WDFY3: variants seen among roughly 807,000 people sequenced by gnomAD.
WDFY3 encodes WD repeat and FYVE domain containing 3.
Under a neutral mutation model 409.6 loss-of-function variants are expected in WDFY3, and 66 were observed. The ratio of observed to expected loss-of-function variants is 0.16; its 90% CI spans 0.13 to 0.20. The LOEUF (loss-of-function observed/expected upper bound fraction) is 0.20. Among genes scored for constraint, WDFY3 ranks in the 10% least tolerant of loss-of-function variants. The probability of loss-of-function intolerance (pLI) is 1.00; values close to 1 mark genes in which losing one functional copy is unlikely to be tolerated. For synonymous variants in WDFY3, 1,521 were observed against 1,537.1 expected, an observed-to-expected ratio of 0.99 and a Z score of 0.25; for missense variants, 3,031 against 4,298.1, an observed-to-expected ratio of 0.71 and a Z score of 8.24.
At chr4:84,845,095 A>C (rs907436567) in intron 5 of WDFY3, among the ~76,000 whole-genome samples, 1 of 152,148 alleles carries the variant, frequency 6.6e-6, no homozygotes, top group Admixed American at 6.5e-5. Flanking sequence ...TCTACAGCCC[A>C]TATCTCAAGT....
chr4:84,789,919 G>T lies in WDFY3; in HGVS notation c.3488-12C>A, dbSNP rs373198268. ...ACTAAAATCATCAACTGAAATAAAG[G>T]GGGGAAGACATAAAAACTTTTTCCA... On this transcript the variant is annotated splice_polypyrimidine_tract_variant and intron_variant, in intron 21 of 67. Transcript: ENST00000295888. The T allele has an allele frequency of 3.1e-6, 5 of 1,612,942 alleles. No homozygotes were observed. The African/African-American group carries it at 5.3e-5, about 17-fold the overall frequency.
At chr4:84,841,129 T>A in intron 6 of WDFY3, 25 bp downstream of exon 6, 1 of 1,560,374 alleles carries the variant, frequency 6.4e-7, no homozygotes, top group Non-Finnish European at 8.7e-7. Flanking sequence ...CGCTGAGTTA[T>A]CAAACATGAA....
intron 15 of WDFY3, among the ~76,000 whole-genome samples, chr4:84,806,608 G>A (rs933246494): frequency 2.0e-5 from 3 of 151,896 alleles, no homozygotes; most frequent in East Asian, 1.9e-4. Context: ...TAAATAGAAA[G>A]TTCTGATGTA....
At chr4:84,692,845 A>C (rs1462095612) in intron 59 of WDFY3, 40 bp downstream of exon 59, 12 of 1,558,338 alleles carry the variant, frequency 7.7e-6, no homozygotes, top group Admixed American at 2.1e-5. Context: ...TAACAATCCC[A>C]TTAAATCATT....
At position 84,753,688 on chromosome 4, in the gene WDFY3, C is replaced by T. The variant is rs200277889; in HGVS notation, c.5739+9G>A. On this transcript the variant is annotated intron_variant, in intron 35 of 67. Transcript: ENST00000295888. ...TTCCAGTTCTGACATTTTCCTCCCCCTTTCCTACCATCTCTGAGTAAGGGC... is the reference window on the plus strand; with the variant it reads ...TTCCAGTTCTGACATTTTCCTCCCCTTTTCCTACCATCTCTGAGTAAGGGC... The T allele has an allele frequency of 6.4e-7, 1 of 1,552,210 alleles. No homozygotes were observed. The highest frequency in any genetic ancestry group is 8.7e-7 in the Non-Finnish European group (1 of 1,151,614).
rs886324029 is a variant in WDFY3 at position 84,829,125 on chromosome 4, T to C, written c.835A>G (p.Ile279Val). ...GAAAGCCCAGCAAACATTTCGACAATTTCTAGGGGAGACAGGTCATCTGAT... is the reference window on the plus strand; with the variant it reads ...GAAAGCCCAGCAAACATTTCGACAACTTCTAGGGGAGACAGGTCATCTGAT... ...QQSDDLSPLE[I>V]VEMFAGLSCF... Residue 279 changes from isoleucine (I) to valine (V), a missense_variant, in exon 9 of 68, where the codon ATT becomes GTT. Physicochemically the swap from Ile to Val is conservative, Grantham distance 29 (BLOSUM62 3). This residue lies in a region of WDFY3 where 1,322 missense variants were observed against 1,697.9 expected (regional missense o/e 0.78). Coordinates refer to ENST00000295888, the MANE Select transcript of WDFY3 (RefSeq NM_014991.6). The C allele has an allele frequency of 3.7e-6, 6 of 1,613,524 alleles. No homozygotes were observed. Among genetic ancestry groups the C allele is most frequent in the African/African-American group, 1.3e-5 (1 of 74,912 alleles).
rs185486424 is a variant in WDFY3, at chr4:84,960,388, T to G, written c.-226+5821A>C. On this transcript the variant is annotated intron_variant, in intron 1 of 67. Coordinates refer to ENST00000295888, the MANE Select transcript of WDFY3 (RefSeq NM_014991.6). ...ACCTACAGCATCCACACCTCACGTA[T>G]GTGATACCCTATTCAACAGTCTCTT... 2.6e-5 allele frequency among the ~76,000 whole-genome samples: 4 copies of G among 152,332 alleles called. No homozygotes were observed. In the East Asian group the frequency reaches 7.7e-4, roughly 29 times the overall value.
chr4:84,914,727 T>C (rs764577432), intron 2 of WDFY3, among the ~76,000 whole-genome samples: 7 of 152,184 alleles, frequency 4.6e-5, no homozygotes, highest in Non-Finnish European at 4.4e-5. Context: ...GGAACCCTCA[T>C]GTATTGCTAG....
intron 3 of WDFY3, among the ~76,000 whole-genome samples, chr4:84,884,807 A>C (rs969076036): frequency 8.5e-5 from 13 of 152,176 alleles, no homozygotes; most frequent in African/African-American, 3.1e-4. Context: ...AGAACCAAAC[A>C]TGTGATAATT....
Position 84,824,260 on chromosome 4 carries a change from G to C in WDFY3, c.1123+2555C>G, listed in dbSNP as rs76470205. Among the ~76,000 whole-genome samples the C allele has an allele frequency of 3.3e-3, 504 of 152,244 alleles. 6 individuals are homozygous for C. Among genetic ancestry groups the C allele is most frequent in the African/African-American group, 0.011 (477 of 41,552 alleles). On this transcript the variant is annotated intron_variant, in intron 10 of 67. Transcript: ENST00000295888. The stretch of plus-strand genomic sequence containing the variant: ...ACAGAGTGCTCATGCTCTTAAGAGA[G>C]AGCACACATTTACATAACTTTTATT...
chr4:84,886,588 A>G lies in WDFY3; in HGVS notation c.-32+10323T>C, dbSNP rs918960516. On this transcript the variant is annotated intron_variant, in intron 3 of 67. Coordinates refer to ENST00000295888, the MANE Select transcript of WDFY3 (RefSeq NM_014991.6). ...CTCTGACACAAAAAAAATTCCTTAA[A>G]ATAAATTTCATCTGCTTAGCAAGTA... is the stretch of plus-strand genomic sequence containing the variant. 11 of 152,280 alleles carry G rather than the reference A, an allele frequency of 7.2e-5. No individual in the cohort carries two copies. The East Asian group carries it at 2.1e-3, about 29-fold the overall frequency. 9.4% of individuals were successfully genotyped at this position (152,280 alleles called of 1,614,324 possible).
At chr4:84,776,706 G>GT (rs1247986238) in intron 27 of WDFY3, among the ~76,000 whole-genome samples, 3 of 151,960 alleles carry the variant, frequency 2.0e-5, no homozygotes, top group African/African-American at 7.2e-5. Context: ...CACATCCTTA[G>GT]TAACTAATAT....
At chr4:84,925,917 T>G (rs899773235) in intron 2 of WDFY3, among the ~76,000 whole-genome samples, 1 of 152,022 alleles carries the variant, frequency 6.6e-6, no homozygotes, top group Non-Finnish European at 1.5e-5. Context: ...GGATGTTCAC[T>G]GTATTATTCA....
Position 84,815,160 on chromosome 4 carries a change from G to A in WDFY3, c.1887+2232C>T, listed in dbSNP as rs571677418. ...GGAAGTGAAAGGAGATGGAGATCGGGTCACAAGGGCCTTGGAAGCAAGGTT... is the reference window on the plus strand; with the variant it reads ...GGAAGTGAAAGGAGATGGAGATCGGATCACAAGGGCCTTGGAAGCAAGGTT... On this transcript the variant is annotated intron_variant, in intron 13 of 67. Coordinates refer to ENST00000295888, the MANE Select transcript of WDFY3 (RefSeq NM_014991.6). Among the ~76,000 whole-genome samples the A allele has an allele frequency of 3.3e-5, 5 of 152,230 alleles. No individual in the cohort carries two copies. In the South Asian group the frequency reaches 1.0e-3, roughly 32 times the overall value.
At chr4:84,833,688 A>AAGAGAAGAG (rs1756113632) in intron 7 of WDFY3, among the ~76,000 whole-genome samples, 2 of 149,500 alleles carry the variant, frequency 1.3e-5, no homozygotes, top group Non-Finnish European at 3.0e-5. Context: ...AAAGAAAAGA[A>AAGAGAAGAG]AAGAGAAGAG....
At position 84,859,350 on chromosome 4, in the gene WDFY3, T is replaced by C. The variant is rs115205418; in HGVS notation, c.180+1062A>G. On this transcript the variant is annotated intron_variant, in intron 4 of 67. Coordinates refer to ENST00000295888, the MANE Select transcript of WDFY3 (RefSeq NM_014991.6). ...ATGAGTGTATGTATGTATGTATGTA[T>C]GTACATTATGGTTTGGAGGGAGAGG... 8.9e-3 allele frequency among the ~76,000 whole-genome samples: 1,348 copies of C among 152,236 alleles called. 18 individuals are homozygous for C. The highest frequency in any genetic ancestry group is 0.031 in the African/African-American group (1,284 of 41,554).
chr4:84,813,380 A>G (rs944913688), intron 13 of WDFY3, among the ~76,000 whole-genome samples: 1 of 152,204 alleles, frequency 6.6e-6, no homozygotes, highest in Admixed American at 6.6e-5. Flanking sequence ...TTAAAAATTA[A>G]GTAACAAATT....
chr4:84,885,330 ATG>A (rs70943380), intron 3 of WDFY3, among the ~76,000 whole-genome samples: 8,497 of 145,558 alleles, frequency 0.058, 250 homozygotes, highest in African/African-American at 0.068. Flanking sequence ...ACATATACAT[ATG>A]TGTGTGTGTG....
intron 17 of WDFY3, among the ~76,000 whole-genome samples, chr4:84,799,979 G>A (rs767149036): frequency 5.3e-5 from 8 of 151,434 alleles, no homozygotes; most frequent in Non-Finnish European, 1.2e-4. Context: ...ATGGGACAAT[G>A]TCTCTCTCTC....
Sources: gnomAD v4.1 joint callset for allele counts (sites outside exome capture counted in the v4.1 genomes callset) on GRCh38, gnomAD v4.1.1 for gene constraint, gnomAD v4.1.1 regional missense constraint, MANE v1.5 for transcripts, NCBI Gene and HGNC (gene_info 2026-07-23, HGNC 2026-07-21) for gene names.